The following CPSF2 variants were observed in gnomAD, a reference collection of about 807,000 sequenced individuals.
CPSF2 encodes the protein cleavage and polyadenylation specific factor 2.
CPSF2 carries 51 observed loss-of-function variants against 84.2 expected under a neutral mutation model. That is an observed-to-expected ratio of 0.61 (90% CI 0.48 to 0.77). CPSF2 has a LOEUF of 0.77. Ranked by LOEUF, CPSF2 falls within the 30% of genes least tolerant of loss-of-function variation. The pLI, the probability that CPSF2 is intolerant of heterozygous loss-of-function variation, is 0.00. For synonymous variants in CPSF2, 286 were observed against 311.9 expected (o/e 0.92, Z 0.87); for missense variants, 641 against 929.4 (o/e 0.69, Z 4.03).
intron 9 of CPSF2, among the ~76,000 whole-genome samples, chr14:92,149,694 C>T (rs1262728987): frequency 3.3e-5 from 5 of 151,934 alleles, no homozygotes; most frequent in South Asian, 2.1e-4. Context: ...CTTGCTCTGT[C>T]GTCTAGGCTG....
In CPSF2 at chr14:92,167,716, G is replaced by A. The variant is rs1260964502; in HGVS notation, c.*5972G>A. 6.6e-6 allele frequency: 1 copy of A among 152,132 alleles called. No individual in the cohort carries two copies. Among genetic ancestry groups the A allele is most frequent in the Non-Finnish European group, 1.5e-5 (1 of 68,030 alleles). The allele number at this position is 152,132 out of a possible 1,614,324, so 9.4% of individuals were successfully genotyped here. ...TGATTTCTATTCTATACTGTGTCCA[G>A]TAAAGGTCGGGGGAGAAAGAGTAAA... On this transcript the variant is annotated 3_prime_UTR_variant, in exon 16 of 16. Coordinates refer to ENST00000298875, the MANE Select transcript of CPSF2 (RefSeq NM_017437.3).
chr14:92,122,027 C>T lies in CPSF2; in HGVS notation c.-195C>T. 2 of 601,444 alleles carry T rather than the reference C, an allele frequency of 3.3e-6. No homozygotes were observed. Among genetic ancestry groups the T allele is most frequent in the Admixed American group, 2.9e-5 (1 of 34,390 alleles). 37.3% of individuals were successfully genotyped at this position (601,444 alleles called of 1,614,324 possible). On this transcript the variant is annotated 5_prime_UTR_variant, in exon 1 of 16. Coordinates refer to ENST00000298875, the MANE Select transcript of CPSF2 (RefSeq NM_017437.3). The stretch of plus-strand genomic sequence containing the variant: ...TGTGGGGCTTCTGCCGGCCGGTAGT[C>T]CCTGGCGCTGCTGACCCAGCATCGG...
intron 10 of CPSF2, among the ~76,000 whole-genome samples, chr14:92,154,709 G>A (rs1252018049): frequency 6.6e-6 from 1 of 152,076 alleles, no homozygotes; most frequent in Non-Finnish European, 1.5e-5. Flanking sequence ...TTAATGATGG[G>A]GACAGTTCTG....
rs1035436859 is a variant in CPSF2, at chr14:92,169,204, A to T, written c.*7460A>T. 1 of 152,080 alleles carries T rather than the reference A, an allele frequency of 6.6e-6. No individual in the cohort carries two copies. Among genetic ancestry groups the T allele is most frequent in the Non-Finnish European group, 1.5e-5 (1 of 68,010 alleles). 9.4% of individuals were successfully genotyped at this position (152,080 alleles called of 1,614,324 possible). ...TTGTTTTAAATATTTTTGGAACTTCATTTCTCTTCAGGTCTATTTAATAAG... is the reference window on the plus strand; with the variant it reads ...TTGTTTTAAATATTTTTGGAACTTCTTTTCTCTTCAGGTCTATTTAATAAG... On this transcript the variant is annotated 3_prime_UTR_variant, in exon 16 of 16. Transcript: ENST00000298875.
intron 13 of CPSF2, 69 bp from the exon 14 acceptor site, chr14:92,158,914 A>G: frequency 7.5e-7 from 1 of 1,339,572 alleles, no homozygotes; most frequent in African/African-American, 1.5e-5. Flanking sequence ...AAATGATAAT[A>G]GGTTATATTT....
At position 92,164,767 on chromosome 14, in the gene CPSF2, A is replaced by ATACC. The variant is rs2069421509; in HGVS notation, c.*3023_*3024insTACC. On this transcript the variant is annotated 3_prime_UTR_variant, in exon 16 of 16. Coordinates refer to ENST00000298875, the MANE Select transcript of CPSF2 (RefSeq NM_017437.3). Reference sequence around the variant, plus strand: ...TAAGGTGAGCCATTTGGCTTTTTTAAAAAATTGAGATTCAACTTACATACC... The same window carrying ATACC: ...TAAGGTGAGCCATTTGGCTTTTTTAATACCAAAATTGAGATTCAACTTACATACC... The ATACC allele has an allele frequency of 1.3e-5, 2 of 152,214 alleles. No homozygotes were observed. Among genetic ancestry groups the ATACC allele is most frequent in the Non-Finnish European group, 2.9e-5 (2 of 68,040 alleles). The allele number at this position is 152,214 out of a possible 1,614,324, so 9.4% of individuals were successfully genotyped here.
chr14:92,135,381 C>T lies in CPSF2; in HGVS notation c.430C>T (p.Leu144=). 6.2e-7 allele frequency: 1 copy of T among 1,612,068 alleles called. No homozygotes were observed. Among genetic ancestry groups the T allele is most frequent in the Non-Finnish European group, 8.5e-7 (1 of 1,179,188 alleles). ...IVNLKGKGHG[L]SITPLPAGHM... ...TGTTGACATAGGTAAAGGACATGGC[C>T]TGTCTATCACACCTCTGCCAGCTGG... Residue 144 remains leucine, a synonymous_variant, in exon 6 of 16, where the codon CTG becomes TTG. Transcript: ENST00000298875.
intron 7 of CPSF2, among the ~76,000 whole-genome samples, chr14:92,139,687 C>T (rs1177389359): frequency 2.7e-5 from 4 of 150,458 alleles, no homozygotes; most frequent in South Asian, 2.1e-4. Flanking sequence ...TACAGGCATG[C>T]GCCACCATGC....
chr14:92,137,803 G>A (rs1257258027), intron 6 of CPSF2, among the ~76,000 whole-genome samples: 1 of 152,136 alleles, frequency 6.6e-6, no homozygotes, highest in Non-Finnish European at 1.5e-5. Flanking sequence ...TTTTATAACT[G>A]TTAAACATTT....
Position 92,159,216 on chromosome 14 carries a change from T to C in CPSF2, c.2055T>C (p.Asp685=), listed in dbSNP as rs773248618. The change falls in exon 14 of 16, where the codon GAT becomes GAC. Residue 685 remains aspartate (D), a synonymous_variant. Coordinates refer to ENST00000298875, the MANE Select transcript of CPSF2 (RefSeq NM_017437.3). ...QQKAMKSLFG[D]DEKETGEESE... ...AGGCCATGAAAAGTCTGTTCGGAGA[T>C]GATGAAAAAGAAACAGGTGAAGAAA... 6.2e-7 allele frequency: 1 copy of C among 1,613,252 alleles called. No homozygotes were observed. Among genetic ancestry groups the C allele is most frequent in the South Asian group, 1.1e-5 (1 of 90,912 alleles).
In CPSF2 at chr14:92,131,093, G is replaced by A. The variant is rs762366166; in HGVS notation, c.109G>A (p.Asp37Asn). 25 of 1,612,488 alleles carry A rather than the reference G, an allele frequency of 1.6e-5. No homozygotes were observed. Among genetic ancestry groups the A allele is most frequent in the Non-Finnish European group, 2.1e-5 (25 of 1,179,380 alleles). Reference protein sequence around the residue: ...EFRFLLDCGWDEHFSMDIIDS... With the variant: ...EFRFLLDCGWNEHFSMDIIDS... ...TAGATTTTTATTGGACTGTGGCTGG[G>A]ATGAGCACTTTTCTATGGATATTAT... The change falls in exon 3 of 16, where the codon GAT (aspartate) becomes AAT (asparagine). Residue 37 changes from aspartate (D) to asparagine (N), a missense_variant. Asp to Asn is a conservative substitution (Grantham distance 23). This residue lies in a region of CPSF2 where 211 missense variants were observed against 375.7 expected (regional missense o/e 0.56). Coordinates refer to ENST00000298875, the MANE Select transcript of CPSF2 (RefSeq NM_017437.3).
chr14:92,133,791 C>G (rs926611571), intron 3 of CPSF2, among the ~76,000 whole-genome samples: 1 of 152,086 alleles, frequency 6.6e-6, no homozygotes, highest in African/African-American at 2.4e-5. Context: ...AATGTGTGTA[C>G]ACACCATATA....
chr14:92,147,975 T>C (rs988168696), intron 9 of CPSF2, among the ~76,000 whole-genome samples: 13 of 152,230 alleles, frequency 8.5e-5, no homozygotes, highest in African/African-American at 3.1e-4. Flanking sequence ...TTCTCCCACC[T>C]TGGCCTCCCA....
At chr14:92,131,752 T>A (rs909287223) in intron 3 of CPSF2, among the ~76,000 whole-genome samples, 3 of 151,874 alleles carry the variant, frequency 2.0e-5, no homozygotes, top group Non-Finnish European at 4.4e-5. Flanking sequence ...GGCAGGAGAA[T>A]TGCTTGAACC....
At chr14:92,145,696 G>A (rs1211691189) in intron 9 of CPSF2, among the ~76,000 whole-genome samples, 2 of 152,054 alleles carry the variant, frequency 1.3e-5, no homozygotes, top group African/African-American at 4.8e-5. Flanking sequence ...TTAATTACTA[G>A]AAATTCAATT....
intron 9 of CPSF2, among the ~76,000 whole-genome samples, chr14:92,149,380 C>G (rs985269515): frequency 6.7e-6 from 1 of 149,704 alleles, no homozygotes; most frequent in Non-Finnish European, 1.5e-5. Context: ...CCAGGAGTTT[C>G]AGACCAGCCT....
rs1436984394 is a variant in CPSF2 at position 92,157,663 on chromosome 14, C to T, written c.1600C>T (p.Arg534Trp). Residue 534 changes from arginine (R) to tryptophan (W), a missense_variant, in exon 13 of 16, where the codon CGG becomes TGG. By Grantham distance (101) the Arg-to-Trp change is moderately radical (BLOSUM62 -3). Coordinates refer to ENST00000298875, the MANE Select transcript of CPSF2 (RefSeq NM_017437.3). This position sits in a 1 kb window ranked among gnomAD's most constrained non-coding sequence, Gnocchi z 4.0. ...AATAATCATATCTAATTACAGAGCC[C>T]GGGTTACCTACATAGACTATGAAGG... is the stretch of plus-strand genomic sequence containing the variant. ...STTESIEIKA[R>W]VTYIDYEGRS... 9 of 1,611,568 alleles carry T rather than the reference C, an allele frequency of 5.6e-6. No individual in the cohort carries two copies. The highest frequency in any genetic ancestry group is 1.7e-5 in the Admixed American group (1 of 59,904).
chr14:92,122,182 T>C (rs1240968718), intron 1 of CPSF2, 54 bp downstream of exon 1: 15 of 327,884 alleles, frequency 4.6e-5, no homozygotes, highest in Non-Finnish European at 8.3e-5. Context: ...GGCGGCGTCA[T>C]TGGCCCTCCG....
Position 92,135,540 on chromosome 14 carries a change from T to G in CPSF2, c.545+44T>G, listed in dbSNP as rs199953105. The G allele has an allele frequency of 2.8e-4, 428 of 1,523,734 alleles. 2 individuals are homozygous for G. Among genetic ancestry groups the G allele is most frequent in the Non-Finnish European group, 5.5e-5 (62 of 1,136,702 alleles). 94.4% of individuals were successfully genotyped at this position (1,523,734 alleles called of 1,614,324 possible). ...AAGCTAAAGGCAATGCAATTGGTATTATTTTATTCTTTGGAGAAAAAATAA... is the reference window on the plus strand; with the variant it reads ...AAGCTAAAGGCAATGCAATTGGTATGATTTTATTCTTTGGAGAAAAAATAA... On this transcript the variant is annotated intron_variant, in intron 6 of 15. Coordinates refer to ENST00000298875, the MANE Select transcript of CPSF2 (RefSeq NM_017437.3).
Sources: allele counts gnomAD v4.1 joint callset (sites outside exome capture counted in the v4.1 genomes callset), GRCh38; gene constraint gnomAD v4.1.1; regional missense constraint gnomAD v4.1.1; non-coding constraint Gnocchi (gnomAD v3.1); transcripts MANE v1.5; gene names NCBI Gene and HGNC (gene_info 2026-07-23, HGNC 2026-07-21).